Variants in NKAIN2 observed in about 807,000 individuals in gnomAD.
The protein encoded by NKAIN2 is sodium/potassium transporting ATPase interacting 2.
NKAIN2 carries 14 observed loss-of-function variants against 32.6 expected under a neutral mutation model. That is an observed-to-expected ratio of 0.43 (90% confidence interval 0.28 to 0.67). NKAIN2 has a LOEUF of 0.67. NKAIN2 is among the 30% of genes least tolerant of loss of function. The pLI is 0.17. For synonymous variants in NKAIN2, 80 were observed against 87.2 expected (o/e 0.92, Z 0.46); for missense variants, 198 against 258.3 (o/e 0.77, Z 1.60).
intron 1 of NKAIN2, among the ~76,000 whole-genome samples, chr6:123,932,594 T>G (rs12192849): frequency 0.26 from 39,964 of 151,532 alleles, 6,627 homozygotes; most frequent in East Asian, 0.53. Context: ...TTTTTTCTAT[T>G]TTTTAGTAGA....
intron 3 of NKAIN2, among the ~76,000 whole-genome samples, chr6:124,656,059 G>A (rs1418215100): frequency 6.6e-6 from 1 of 152,010 alleles, no homozygotes; most frequent in Non-Finnish European, 1.5e-5. Context: ...TTTCTCTTAG[G>A]CCCTGGGGAT....
rs62435595 is a variant in NKAIN2 at position 123,911,818 on chromosome 6, C to A, written c.54+107564C>A. Among the ~76,000 whole-genome samples, 178 of 82,806 alleles carry A rather than the reference C, an allele frequency of 2.1e-3. 18 individuals carry two copies. Among genetic ancestry groups the A allele is most frequent in the African/African-American group, 8.7e-3 (159 of 18,344 alleles). 54.3% of individuals were successfully genotyped at this position (82,806 alleles called of 152,430 possible). A position where few individuals can be genotyped will look rare whatever the true frequency, so the allele number is the denominator to read the frequency against. On this transcript the variant is annotated intron_variant, in intron 1 of 6. Transcript: ENST00000368417. ...ATATATATGTATATATATATACACA[C>A]ACACACACACACACACACACACACA...
At chr6:124,609,652 C>G (rs1782620539) in intron 3 of NKAIN2, among the ~76,000 whole-genome samples, 1 of 152,062 alleles carries the variant, frequency 6.6e-6, no homozygotes, top group South Asian at 2.1e-4. Context: ...TAGCTTGCCC[C>G]CCTCCGGAAG....
chr6:124,344,129 A>T (rs1328225172), intron 2 of NKAIN2, among the ~76,000 whole-genome samples: 3 of 152,068 alleles, frequency 2.0e-5, no homozygotes, highest in Non-Finnish European at 4.4e-5. Flanking sequence ...TTTGTCAAAG[A>T]TCAGATAGTT....
intron 3 of NKAIN2, among the ~76,000 whole-genome samples, chr6:124,494,595 A>C (rs1167026043): frequency 6.6e-6 from 1 of 152,138 alleles, no homozygotes; most frequent in Non-Finnish European, 1.5e-5. Flanking sequence ...TAAAATCATA[A>C]CAGATAAATG....
intron 1 of NKAIN2, among the ~76,000 whole-genome samples, chr6:123,977,321 G>T (rs1226266445): frequency 6.6e-6 from 1 of 152,124 alleles, no homozygotes; most frequent in Non-Finnish European, 1.5e-5. Context: ...TGAGGCAAGA[G>T]GATCACTTGA....
chr6:124,537,485 A>G (rs1317509664), intron 3 of NKAIN2, among the ~76,000 whole-genome samples: 2 of 152,216 alleles, frequency 1.3e-5, no homozygotes, highest in Admixed American at 6.5e-5. Context: ...TTATACTTTT[A>G]AAAGTATACA....
intron 1 of NKAIN2, among the ~76,000 whole-genome samples, chr6:124,232,513 T>G (rs1393281151): frequency 1.3e-5 from 2 of 152,082 alleles, no homozygotes; most frequent in African/African-American, 4.8e-5. Flanking sequence ...ATGAGCTAAT[T>G]GTACTGAAAG....
intron 1 of NKAIN2, among the ~76,000 whole-genome samples, chr6:123,959,672 A>G (rs550544998): frequency 1.3e-5 from 2 of 152,248 alleles, no homozygotes; most frequent in Non-Finnish European, 2.9e-5. Flanking sequence ...ATTGAACTCT[A>G]TGAAAATACT....
intron 3 of NKAIN2, among the ~76,000 whole-genome samples, chr6:124,480,379 CTAAGTG>C (rs2114697864): frequency 6.6e-6 from 1 of 152,136 alleles, no homozygotes; most frequent in African/African-American, 2.4e-5. Flanking sequence ...TTGTAGGTTT[CTAAGTG>C]TGTTAGGAAA....
At chr6:124,165,305 T>C (rs925017408) in intron 1 of NKAIN2, among the ~76,000 whole-genome samples, 1 of 152,036 alleles carries the variant, frequency 6.6e-6, no homozygotes, top group Non-Finnish European at 1.5e-5. Context: ...GAATCACTAA[T>C]TATGGGCTTA....
intron 3 of NKAIN2, among the ~76,000 whole-genome samples, chr6:124,594,159 TCAACA>T (rs1782003732): frequency 6.6e-6 from 1 of 152,212 alleles, no homozygotes; most frequent in African/African-American, 2.4e-5. Context: ...AACTCAGCAC[TCAACA>T]CAATACTTTA....
At chr6:124,054,019 A>G (rs1782527763) in intron 1 of NKAIN2, among the ~76,000 whole-genome samples, 1 of 152,076 alleles carries the variant, frequency 6.6e-6, no homozygotes, top group Non-Finnish European at 1.5e-5. Context: ...GAATAGAAAC[A>G]ATGAATATTT....
At chr6:124,758,842 C>A (rs1003676476) in intron 4 of NKAIN2, among the ~76,000 whole-genome samples, 2 of 152,214 alleles carry the variant, frequency 1.3e-5, no homozygotes, top group African/African-American at 4.8e-5. Context: ...ACTTTCTATT[C>A]TCTGACATAA....
chr6:124,191,376 TA>T (rs1191824559), intron 1 of NKAIN2, among the ~76,000 whole-genome samples: 19 of 152,128 alleles, frequency 1.2e-4, no homozygotes, highest in African/African-American at 3.6e-4. Context: ...GCTGCTATGA[TA>T]AAAAATATTA....
chr6:124,528,751 C>T (rs1480351590), intron 3 of NKAIN2, among the ~76,000 whole-genome samples: 1 of 152,138 alleles, frequency 6.6e-6, no homozygotes, highest in East Asian at 1.9e-4. Context: ...TCAACTGTAC[C>T]TATTACTTAA....
chr6:124,609,001 C>T (rs973251437), intron 3 of NKAIN2, among the ~76,000 whole-genome samples: 4 of 151,982 alleles, frequency 2.6e-5, no homozygotes, highest in African/African-American at 7.3e-5. Context: ...TTATTTGTTG[C>T]GGTTTGTTTG....
At chr6:124,798,158 G>A (rs898453901) in intron 5 of NKAIN2, among the ~76,000 whole-genome samples, 1 of 151,786 alleles carries the variant, frequency 6.6e-6, no homozygotes, top group Non-Finnish European at 1.5e-5. Context: ...CATACATTCT[G>A]TTTGGTAGTC....
intron 3 of NKAIN2, among the ~76,000 whole-genome samples, chr6:124,487,429 GCTTAA>G (rs1562215823): frequency 6.6e-6 from 1 of 152,088 alleles, no homozygotes; most frequent in African/African-American, 2.4e-5. Context: ...AATTTCAACA[GCTTAA>G]CTTAGGAAGA....
Sources: allele counts gnomAD v4.1 joint callset (sites outside exome capture counted in the v4.1 genomes callset), GRCh38; gene constraint gnomAD v4.1.1; transcripts MANE v1.5; gene names NCBI Gene and HGNC (gene_info 2026-07-23, HGNC 2026-07-21).